The following MGLL variants were observed in gnomAD, a reference collection of about 807,000 sequenced individuals.
MGLL encodes monoglyceride lipase, also known as lysophospholipase homolog.
Under a neutral mutation model 29.1 loss-of-function variants are expected in MGLL, and 7 were observed. That is an observed-to-expected ratio of 0.24 (90% confidence interval 0.14 to 0.45). The LOEUF is 0.45. Among genes scored for constraint, MGLL ranks in the 20% least tolerant of loss-of-function variants. The probability of loss-of-function intolerance (pLI) is 0.99; values close to 1 mark genes in which losing one functional copy is unlikely to be tolerated. For synonymous variants in MGLL, 148 were observed against 168.3 expected, an observed-to-expected ratio of 0.88 and a Z score of 0.93; for missense variants, 356 against 413.6, an observed-to-expected ratio of 0.86 and a Z score of 1.21.
chr3:127,742,233 A>G (rs2076353403), intron 3 of MGLL, among the ~76,000 whole-genome samples: 1 of 152,186 alleles, frequency 6.6e-6, no homozygotes, highest in Non-Finnish European at 1.5e-5. Flanking sequence ...AAATGTCCTT[A>G]TTATATAATA....
At chr3:127,790,829 C>T (rs2077287414) in intron 2 of MGLL, among the ~76,000 whole-genome samples, 1 of 152,186 alleles carries the variant, frequency 6.6e-6, no homozygotes, top group Non-Finnish European at 1.5e-5. Context: ...AGCCAGCCTG[C>T]CCACTTCCTG....
intron 3 of MGLL, among the ~76,000 whole-genome samples, chr3:127,732,102 C>T (rs560455212): frequency 6.6e-6 from 1 of 151,840 alleles, no homozygotes; most frequent in African/African-American, 2.4e-5. Flanking sequence ...GCCAGCCTCC[C>T]CCTTCCCTTT....
intron 7 of MGLL, among the ~76,000 whole-genome samples, chr3:127,693,722 T>G (rs1369714595): frequency 4.6e-5 from 7 of 152,204 alleles, no homozygotes; most frequent in Non-Finnish European, 2.9e-5. Flanking sequence ...TTCATTTATT[T>G]GCTCATCCCA....
chr3:127,812,927 T>C (rs761207916), intron 2 of MGLL, among the ~76,000 whole-genome samples: 1 of 152,130 alleles, frequency 6.6e-6, no homozygotes, highest in Non-Finnish European at 1.5e-5. Context: ...CCATTGGCTT[T>C]TGCTGTTCAG....
chr3:127,733,064 C>T (rs541503990), intron 3 of MGLL, among the ~76,000 whole-genome samples: 1 of 152,256 alleles, frequency 6.6e-6, no homozygotes, highest in African/African-American at 2.4e-5. Flanking sequence ...TATTCTAAGT[C>T]ACAGGGTGAG....
chr3:127,741,154 T>C (rs2076333242), intron 3 of MGLL, among the ~76,000 whole-genome samples: 1 of 152,248 alleles, frequency 6.6e-6, no homozygotes, highest in African/African-American at 2.4e-5. Context: ...TTCCTCTACA[T>C]TCCATGGATA....
intron 2 of MGLL, among the ~76,000 whole-genome samples, chr3:127,807,919 A>G (rs535961238): frequency 6.6e-6 from 1 of 151,396 alleles, no homozygotes; most frequent in East Asian, 1.9e-4. Flanking sequence ...CCACCACCAT[A>G]CCCAGCTAAT....
At chr3:127,754,407 ACTGCAAGCCGTCTTCAGGG>A (rs1240544895) in intron 3 of MGLL, among the ~76,000 whole-genome samples, 1 of 151,804 alleles carries the variant, frequency 6.6e-6, no homozygotes, top group African/African-American at 2.4e-5. Context: ...GCCTTCCAGG[ACTGCAAGCCGTCTTCAGGG>A]AAGGGCCTCC....
At chr3:127,692,716 G>A (rs1432611424) in intron 7 of MGLL, among the ~76,000 whole-genome samples, 4 of 152,328 alleles carry the variant, frequency 2.6e-5, no homozygotes, top group East Asian at 1.9e-4. Context: ...GCCAACCCAC[G>A]GTGGCTAGCC....
rs140124019 is a variant in MGLL, at chr3:127,785,424, G to C, written c.156-3529C>G. ...AGGTCACATTCACCACTGGATGCTG[G>C]GCACTGTGTGGAAGCTTCCCCTTCA... On this transcript the variant is annotated intron_variant, in intron 2 of 7. Coordinates refer to ENST00000265052, the MANE Select transcript of MGLL (RefSeq NM_007283.7). Among the ~76,000 whole-genome samples the C allele has an allele frequency of 3.2e-3, 481 of 152,356 alleles. 3 individuals are homozygous for C. Among genetic ancestry groups the C allele is most frequent in the Admixed American group, 6.9e-3 (106 of 15,312 alleles).
At position 127,733,246 on chromosome 3, in the gene MGLL, C is replaced by T. The variant is rs186625958; in HGVS notation, c.263-10680G>A. Among the ~76,000 whole-genome samples the T allele has an allele frequency of 5.9e-5, 9 of 152,252 alleles. No homozygotes were observed. The East Asian group carries it at 9.7e-4, about 16-fold the overall frequency. ...TGACAGTTTACAGATGCCATGGCAA[C>T]GTCAGGAAGTTACCCAGTATAGTCT... On this transcript the variant is annotated intron_variant, in intron 3 of 7. Transcript: ENST00000265052.
intron 3 of MGLL, among the ~76,000 whole-genome samples, chr3:127,738,119 G>GAGTT (rs2076276041): frequency 6.6e-6 from 1 of 151,724 alleles, no homozygotes; most frequent in East Asian, 2.0e-4. Flanking sequence ...GGACAACATG[G>GAGTT]TGAAACCCCA....
chr3:127,793,189 G>A (rs575015019), intron 2 of MGLL, among the ~76,000 whole-genome samples: 14 of 152,224 alleles, frequency 9.2e-5, no homozygotes, highest in East Asian at 5.8e-4. Flanking sequence ...AATGGCAGCC[G>A]CCCTGGCCCT....
At chr3:127,793,908 T>C (rs2077341611) in intron 2 of MGLL, among the ~76,000 whole-genome samples, 1 of 152,240 alleles carries the variant, frequency 6.6e-6, no homozygotes, top group East Asian at 1.9e-4. Flanking sequence ...TTTCTAAATA[T>C]CTTGAAGTAA....
intron 5 of MGLL, chr3:127,713,095 G>A (rs1188585984): frequency 6.6e-6 from 1 of 152,292 alleles, no homozygotes; most frequent in Admixed American, 6.5e-5. Context: ...GCCACACTGT[G>A]AGGGAAGACT....
At chr3:127,750,485 G>A (rs912206926) in intron 3 of MGLL, among the ~76,000 whole-genome samples, 5 of 152,164 alleles carry the variant, frequency 3.3e-5, no homozygotes, top group African/African-American at 1.2e-4. Context: ...GTGCAAAAAC[G>A]AGGGAGAGAG....
At chr3:127,716,628 C>A (rs1284319943) in intron 5 of MGLL, among the ~76,000 whole-genome samples, 1 of 152,238 alleles carries the variant, frequency 6.6e-6, no homozygotes, top group Non-Finnish European at 1.5e-5. Context: ...GGCACAAATG[C>A]CTTTATTGAT....
chr3:127,698,870 G>A (rs72973305), intron 6 of MGLL, among the ~76,000 whole-genome samples: 14,548 of 152,198 alleles, frequency 0.096, 743 homozygotes, highest in African/African-American at 0.12. Flanking sequence ...CTCTCACACC[G>A]CCACCTTCCT....
intron 6 of MGLL, among the ~76,000 whole-genome samples, chr3:127,703,942 T>C (rs782433): frequency 0.56 from 84,831 of 152,070 alleles, 26,635 homozygotes; most frequent in African/African-American, 0.86. Flanking sequence ...GCAAAAAGAA[T>C]AAAGCTGGAG....
Sources: allele counts gnomAD v4.1 joint callset (sites outside exome capture counted in the v4.1 genomes callset), GRCh38; gene constraint gnomAD v4.1.1; transcripts MANE v1.5; gene names NCBI Gene and HGNC (gene_info 2026-07-23, HGNC 2026-07-21).